FLACC1: variants seen among roughly 807,000 people sequenced by gnomAD.
The protein encoded by FLACC1 is flagellum-associated coiled-coil domain-containing protein 1.
FLACC1 carries 66 observed loss-of-function variants against 62.8 expected under a neutral mutation model. That is an observed-to-expected ratio of 1.05 (90% CI 0.86 to 1.29). The LOEUF (loss-of-function observed/expected upper bound fraction) is 1.29. FLACC1 is among the 50% of genes most tolerant of loss of function. The pLI, the probability that FLACC1 is intolerant of heterozygous loss-of-function variation, is 0.00. For synonymous variants in FLACC1, 156 were observed against 161.0 expected (o/e 0.97, Z 0.24); for missense variants, 452 against 489.1 (o/e 0.92, Z 0.71).
chr2:201,328,791 G>T (rs1950541546), intron 9 of FLACC1, among the ~76,000 whole-genome samples: 1 of 152,192 alleles, frequency 6.6e-6, no homozygotes, highest in Admixed American at 6.5e-5. Context: ...GATTTGATAA[G>T]TTAAAAATGG....
intron 7 of FLACC1, among the ~76,000 whole-genome samples, chr2:201,341,597 G>A (rs6435080): frequency 0.42 from 63,085 of 150,868 alleles, 13,911 homozygotes; most frequent in South Asian, 0.54. Flanking sequence ...ATAGTAAAAA[G>A]TTTACTAGAG....
At chr2:201,334,480 C>A (rs1950654144) in intron 7 of FLACC1, among the ~76,000 whole-genome samples, 1 of 151,976 alleles carries the variant, frequency 6.6e-6, no homozygotes, top group Admixed American at 6.6e-5. Flanking sequence ...GTAATCCTGG[C>A]CTCATAAAAA....
chr2:201,354,384 G>C (rs764067745), intron 1 of FLACC1, among the ~76,000 whole-genome samples: 1 of 152,192 alleles, frequency 6.6e-6, no homozygotes, highest in African/African-American at 2.4e-5. Context: ...CGTGTGCAGG[G>C]GTTGGCTGGG....
At chr2:201,345,766 G>A (rs948278053) in intron 5 of FLACC1, among the ~76,000 whole-genome samples, 7 of 152,176 alleles carry the variant, frequency 4.6e-5, no homozygotes, top group South Asian at 4.1e-4. Context: ...GAGAGTGGGT[G>A]GAGCCTGAAG....
chr2:201,337,957 A>T (rs1198959730), intron 7 of FLACC1, among the ~76,000 whole-genome samples: 4 of 152,144 alleles, frequency 2.6e-5, no homozygotes, highest in Non-Finnish European at 5.9e-5. Flanking sequence ...GTGAAAAGTG[A>T]CATTGGTAAT....
At chr2:201,341,716 T>C (rs1191255385) in intron 7 of FLACC1, among the ~76,000 whole-genome samples, 1 of 152,128 alleles carries the variant, frequency 6.6e-6, no homozygotes, top group Non-Finnish European at 1.5e-5. Context: ...TACATTATTA[T>C]TAACTATAGC....
At chr2:201,296,794 G>A (rs1456346227) in intron 12 of FLACC1, among the ~76,000 whole-genome samples, 1 of 152,170 alleles carries the variant, frequency 6.6e-6, no homozygotes, top group Non-Finnish European at 1.5e-5. Flanking sequence ...AGAGGACAAG[G>A]TAACCTAAGA....
At chr2:201,355,113 C>T (rs775902205) in intron 1 of FLACC1, among the ~76,000 whole-genome samples, 13 of 152,124 alleles carry the variant, frequency 8.5e-5, no homozygotes, top group South Asian at 6.2e-4. Context: ...GGCGAAACCC[C>T]GTCTCTACTA....
At chr2:201,305,134 G>C (rs1265661042) in intron 11 of FLACC1, among the ~76,000 whole-genome samples, 1 of 152,172 alleles carries the variant, frequency 6.6e-6, no homozygotes, top group Non-Finnish European at 1.5e-5. Flanking sequence ...ACTACCATCA[G>C]AGTGAACATG....
At chr2:201,347,816 C>T (rs1190047681) in intron 4 of FLACC1, among the ~76,000 whole-genome samples, 1 of 152,210 alleles carries the variant, frequency 6.6e-6, no homozygotes, top group Non-Finnish European at 1.5e-5. Flanking sequence ...CCCAGGCAGG[C>T]GTCAAGAGCC....
chr2:201,342,089 T>C (rs1950820871), intron 7 of FLACC1, among the ~76,000 whole-genome samples: 1 of 152,148 alleles, frequency 6.6e-6, no homozygotes, highest in African/African-American at 2.4e-5. Context: ...AGAACAAAAA[T>C]GACTCTTCTC....
At chr2:201,344,014 CT>C (rs1184947532) in intron 6 of FLACC1, among the ~76,000 whole-genome samples, 155 bp downstream of exon 6, 1 of 152,234 alleles carries the variant, frequency 6.6e-6, no homozygotes, top group Admixed American at 6.5e-5. Flanking sequence ...CAGAGAAATA[CT>C]ACTGAGTGAC....
chr2:201,303,779 G>C (rs960265844), intron 11 of FLACC1, among the ~76,000 whole-genome samples: 3 of 152,068 alleles, frequency 2.0e-5, no homozygotes, highest in African/African-American at 7.2e-5. Context: ...TTCAACATAC[G>C]CAAATCAATA....
Position 201,288,792 on chromosome 2 carries a change from A to G in FLACC1, c.1143-11T>C. ...GAAATTATCTTTTGCCTGTAAAAAG[A>G]AAGGAAAGATGTATCAATGTCAACT... On this transcript the variant is annotated splice_polypyrimidine_tract_variant and intron_variant, in intron 14 of 14. Coordinates refer to ENST00000392257, the MANE Select transcript of FLACC1 (RefSeq NM_001127391.3). 2 of 1,612,316 alleles carry G rather than the reference A, an allele frequency of 1.2e-6. No individual in the cohort carries two copies. The highest frequency in any genetic ancestry group is 1.7e-6 in the Non-Finnish European group (2 of 1,179,872).
At chr2:201,299,358 G>C (rs1949931083) in intron 11 of FLACC1, 58 bp from the exon 12 acceptor site, 2 of 1,433,766 alleles carry the variant, frequency 1.4e-6, no homozygotes, top group South Asian at 1.2e-5. Context: ...ATCTTCTAGG[G>C]AGTTAAGAAA....
chr2:201,312,528 C>G (rs1473574177), intron 9 of FLACC1, among the ~76,000 whole-genome samples: 2 of 152,124 alleles, frequency 1.3e-5, no homozygotes, highest in Non-Finnish European at 2.9e-5. Context: ...CTATTCCTGT[C>G]AAACTACCAA....
intron 7 of FLACC1, among the ~76,000 whole-genome samples, chr2:201,334,784 A>T (rs1950661244): frequency 2.5e-5 from 1 of 40,806 alleles, no homozygotes; most frequent in Admixed American, 1.9e-4. Flanking sequence ...ACTCTGCCTA[A>T]AAAAAAAAAA....
intron 11 of FLACC1, among the ~76,000 whole-genome samples, chr2:201,303,069 A>G (rs1950020132): frequency 1.3e-5 from 2 of 152,004 alleles, no homozygotes. Context: ...AAGGCAAGAA[A>G]TAACTAAGAT....
At chr2:201,334,034 G>T (rs1469700052) in intron 7 of FLACC1, among the ~76,000 whole-genome samples, 1 of 152,164 alleles carries the variant, frequency 6.6e-6, no homozygotes, top group Non-Finnish European at 1.5e-5. Context: ...TACCAACAGT[G>T]TAAAACTCTT....
Sources: allele counts gnomAD v4.1 joint callset (sites outside exome capture counted in the v4.1 genomes callset), GRCh38; gene constraint gnomAD v4.1.1; transcripts MANE v1.5; gene names NCBI Gene and HGNC (gene_info 2026-07-23, HGNC 2026-07-21).